PCYOX1: variants seen among roughly 807,000 people sequenced by gnomAD.
The protein encoded by PCYOX1 is prenylcysteine lyase.
Under a neutral mutation model 46.4 loss-of-function variants are expected in PCYOX1, and 46 were observed. The ratio of observed to expected loss-of-function variants is 0.99; its 90% CI spans 0.78 to 1.27. The LOEUF is 1.27. PCYOX1 is among the 50% of genes most tolerant of loss of function. The pLI is 0.00. For missense variants in PCYOX1, 658 were observed against 628.3 expected (o/e 1.05, Z -0.51); for synonymous variants, 220 against 231.8 (o/e 0.95, Z 0.46).
chr2:70,279,450 T>G lies in PCYOX1; in HGVS notation c.*2058T>G, dbSNP rs1420493365. ...TTAATTTCCATCATTTGTAGACTTGTTTTGCAATGGGATATATTTTTACTT... is the reference window on the plus strand; with the variant it reads ...TTAATTTCCATCATTTGTAGACTTGGTTTGCAATGGGATATATTTTTACTT... On this transcript the variant is annotated 3_prime_UTR_variant, in exon 6 of 6. Transcript: ENST00000433351. 6.6e-6 allele frequency: 1 copy of G among 152,218 alleles called. No homozygotes were observed. The highest frequency in any genetic ancestry group is 2.4e-5 in the African/African-American group (1 of 41,462). The allele number at this position is 152,218 out of a possible 1,614,324, so 9.4% of individuals were successfully genotyped here.
chr2:70,269,578 C>G (rs1389712587), intron 3 of PCYOX1, among the ~76,000 whole-genome samples: 1 of 152,168 alleles, frequency 6.6e-6, no homozygotes, highest in East Asian at 1.9e-4. Flanking sequence ...CTCAAGTGAT[C>G]CTCCAGCCTG....
chr2:70,274,949 T>C lies in PCYOX1; in HGVS notation c.495-10T>C. ...TTTGGTATTTAATGGATTTCTCTTCTTTTCCAAAGGATCTACCGCTACCAG... is the reference window on the plus strand; with the variant it reads ...TTTGGTATTTAATGGATTTCTCTTCCTTTCCAAAGGATCTACCGCTACCAG... On this transcript the variant is annotated splice_polypyrimidine_tract_variant and intron_variant, in intron 3 of 5. Transcript: ENST00000433351. The C allele has an allele frequency of 6.5e-7, 1 of 1,545,552 alleles. No individual in the cohort carries two copies. Among genetic ancestry groups the C allele is most frequent in the Non-Finnish European group, 8.9e-7 (1 of 1,117,488 alleles).
At chr2:70,275,313 G>T in intron 4 of PCYOX1, 143 bp downstream of exon 4, 1 of 845,206 alleles carries the variant, frequency 1.2e-6, no homozygotes. Flanking sequence ...TTGTGCGTAT[G>T]TAGATGTGCA....
chr2:70,266,595 A>T (rs945805912), intron 3 of PCYOX1, among the ~76,000 whole-genome samples: 1 of 151,988 alleles, frequency 6.6e-6, no homozygotes, highest in African/African-American at 2.4e-5. Flanking sequence ...TGGTTTTCCT[A>T]GGCAGAGGGC....
In PCYOX1 at chr2:70,275,519, G is replaced by C. The variant is rs1162162951; in HGVS notation, c.712G>C (p.Val238Leu). ...ATTTTTCCTCCTATTGACAGGGGCGGTGTCACTGTCCTGTTCTGATTCTGG... is the reference window on the plus strand; with the variant it reads ...ATTTTTCCTCCTATTGACAGGGGCGCTGTCACTGTCCTGTTCTGATTCTGG... The part of the protein sequence containing the change: ...STDINAFVGA[V>L]SLSCSDSGLW... The change falls in exon 5 of 6, where the codon GTG becomes CTG. Residue 238 changes from valine (V) to leucine (L), a missense_variant. Physicochemically the swap from Val to Leu is conservative, Grantham distance 32. Coordinates refer to ENST00000433351, the MANE Select transcript of PCYOX1 (RefSeq NM_016297.4). The C allele has an allele frequency of 6.2e-7, 1 of 1,613,656 alleles. No individual in the cohort carries two copies. Among genetic ancestry groups the C allele is most frequent in the African/African-American group, 1.3e-5 (1 of 74,898 alleles).
chr2:70,267,606 G>A (rs992344229), intron 3 of PCYOX1, among the ~76,000 whole-genome samples: 7 of 152,138 alleles, frequency 4.6e-5, no homozygotes, highest in Admixed American at 2.0e-4. Flanking sequence ...CGGCCAACAC[G>A]GTGAAACCCC....
chr2:70,280,082 G>C lies in PCYOX1; in HGVS notation c.*2690G>C, dbSNP rs1291865750. 1.3e-5 allele frequency: 2 copies of C among 150,460 alleles called. No individual in the cohort carries two copies. Among genetic ancestry groups the C allele is most frequent in the African/African-American group, 4.9e-5 (2 of 40,994 alleles). 9.3% of individuals were successfully genotyped at this position (150,460 alleles called of 1,614,324 possible). A position where few individuals can be genotyped will look rare whatever the true frequency, so the allele number is the denominator to read the frequency against. ...GCAAGAGTGAGACTGTGTCTCAAAA[G>C]GAAAAAAAAAAAATTAAAAATGTTG... On this transcript the variant is annotated 3_prime_UTR_variant, in exon 6 of 6. Coordinates refer to ENST00000433351, the MANE Select transcript of PCYOX1 (RefSeq NM_016297.4).
chr2:70,260,180 T>C (rs7585058), intron 2 of PCYOX1, among the ~76,000 whole-genome samples: 12,591 of 152,234 alleles, frequency 0.083, 544 homozygotes, highest in East Asian at 0.18. Context: ...GAGATAGTCA[T>C]CTCATTGTGA....
In PCYOX1 at chr2:70,280,365, C is replaced by T. The variant is rs1333041998; in HGVS notation, c.*2973C>T. Reference sequence around the variant, plus strand: ...ACTGTCAGAGCTTACTGCTCCAGACCTTTTTTTTTAATAGAAGAGACTGGT... The same window carrying T: ...ACTGTCAGAGCTTACTGCTCCAGACTTTTTTTTTTAATAGAAGAGACTGGT... On this transcript the variant is annotated 3_prime_UTR_variant, in exon 6 of 6. Coordinates refer to ENST00000433351, the MANE Select transcript of PCYOX1 (RefSeq NM_016297.4). The T allele has an allele frequency of 6.6e-6, 1 of 150,804 alleles. No individual in the cohort carries two copies. Among genetic ancestry groups the T allele is most frequent in the Non-Finnish European group, 1.5e-5 (1 of 67,656 alleles). The allele number at this position is 150,804 out of a possible 1,614,324, so 9.3% of individuals were successfully genotyped here. A position where few individuals can be genotyped will look rare whatever the true frequency, so the allele number is the denominator to read the frequency against.
chr2:70,267,149 C>A, intron 3 of PCYOX1, among the ~76,000 whole-genome samples: 1 of 151,934 alleles, frequency 6.6e-6, no homozygotes, highest in Non-Finnish European at 1.5e-5. Flanking sequence ...AGTTCCCAGA[C>A]GGCGTCGCGG....
At position 70,258,296 on chromosome 2, in the gene PCYOX1, C is replaced by T. The variant is rs993247909; in HGVS notation, c.112+20C>T. ...AAATCGGTAGGCGAGAAGGGGGCGG[C>T]GCGGGAAGGTGCTGGAGCGCGCCCC... On this transcript the variant is annotated intron_variant, in intron 1 of 5. Transcript: ENST00000433351. The T allele has an allele frequency of 3.9e-6, 6 of 1,522,188 alleles. No homozygotes were observed. Among genetic ancestry groups the T allele is most frequent in the Admixed American group, 3.6e-5 (2 of 54,836 alleles). The allele number at this position is 1,522,188 out of a possible 1,614,324, so 94.3% of individuals were successfully genotyped here.
Position 70,280,545 on chromosome 2 carries a change from A to ATTAAG in PCYOX1, c.*3156_*3160dup, listed in dbSNP as rs1696758633. On this transcript the variant is annotated 3_prime_UTR_variant, in exon 6 of 6. Transcript: ENST00000433351. ...TATGGGATATAAGAAGATGCATTTT[A>ATTAAG]TTAAGTTCCCCAGTGATGCTGCTGT... 1 of 152,224 alleles carries ATTAAG rather than the reference A, an allele frequency of 6.6e-6. No homozygotes were observed. The highest frequency in any genetic ancestry group is 2.4e-5 in the African/African-American group (1 of 41,468). 9.4% of individuals were successfully genotyped at this position (152,224 alleles called of 1,614,324 possible).
At chr2:70,274,597 T>C (rs1279858839) in intron 3 of PCYOX1, among the ~76,000 whole-genome samples, 1 of 149,532 alleles carries the variant, frequency 6.7e-6, no homozygotes, top group Non-Finnish European at 1.5e-5. Context: ...ACACTGTCAC[T>C]GTCTGGCCCA....
chr2:70,276,608 T>TA (rs1210191498), intron 5 of PCYOX1, 126 bp from the exon 6 acceptor site: 1 of 596,708 alleles, frequency 1.7e-6, no homozygotes, highest in Admixed American at 3.5e-5. Flanking sequence ...AAGGGACAAC[T>TA]ATCTTAAGGG....
chr2:70,277,591 A>G lies in PCYOX1; in HGVS notation c.*199A>G, dbSNP rs746940394. ...AGCTATTGCACTTATGCCATCTCCAAAATTTCTTAAGTATTCTTTCACTAT... is the reference window on the plus strand; with the variant it reads ...AGCTATTGCACTTATGCCATCTCCAGAATTTCTTAAGTATTCTTTCACTAT... On this transcript the variant is annotated 3_prime_UTR_variant, in exon 6 of 6. Transcript: ENST00000433351. The G allele has an allele frequency of 8.5e-5, 42 of 492,482 alleles. No homozygotes were observed. Among genetic ancestry groups the G allele is most frequent in the Non-Finnish European group, 1.4e-4 (38 of 279,606 alleles). 30.5% of individuals were successfully genotyped at this position (492,482 alleles called of 1,614,324 possible). A position where few individuals can be genotyped will look rare whatever the true frequency, so the allele number is the denominator to read the frequency against.
At chr2:70,258,108 CGCAGCGGT>C (rs1353567581), upstream of PCYOX1, 5 of 1,393,602 alleles carry the variant, frequency 3.6e-6, no homozygotes, top group African/African-American at 6.0e-5. Context: ...CGCGCAGCCG[CGCAGCGGT>C]GGGAGGACTG....
rs201170435 is a variant in PCYOX1, at chr2:70,274,960, A to T, written c.496A>T (p.Ile166Phe). ...VEDVLDKFMR[I>F]YRYQSHDYAF... The stretch of plus-strand genomic sequence containing the variant: ...ATGGATTTCTCTTCTTTTCCAAAGG[A>T]TCTACCGCTACCAGTCTCATGACTA... Residue 166 changes from isoleucine (I) to phenylalanine (F), a missense_variant and splice_region_variant, in exon 4 of 6, where the codon ATC becomes TTC. Ile to Phe is a conservative substitution (Grantham distance 21). Coordinates refer to ENST00000433351, the MANE Select transcript of PCYOX1 (RefSeq NM_016297.4). 3.2e-6 allele frequency: 5 copies of T among 1,583,082 alleles called. No individual in the cohort carries two copies. The highest frequency in any genetic ancestry group is 4.3e-6 in the Non-Finnish European group (5 of 1,151,716).
chr2:70,267,922 T>C (rs1032355679), intron 3 of PCYOX1, among the ~76,000 whole-genome samples: 1 of 152,108 alleles, frequency 6.6e-6, no homozygotes, highest in Non-Finnish European at 1.5e-5. Flanking sequence ...AGCAGTTCTC[T>C]GCCTCAGCCT....
chr2:70,263,526 C>T (rs577961513), intron 3 of PCYOX1, among the ~76,000 whole-genome samples: 1 of 152,074 alleles, frequency 6.6e-6, no homozygotes. Context: ...CAATACACAA[C>T]CAAGGAAATA....
Sources: gnomAD v4.1 joint callset for allele counts (sites outside exome capture counted in the v4.1 genomes callset) on GRCh38, gnomAD v4.1.1 for gene constraint, MANE v1.5 for transcripts, NCBI Gene and HGNC (gene_info 2026-07-23, HGNC 2026-07-21) for gene names.